The following LONRF1 variants were observed in gnomAD, a reference collection of about 807,000 sequenced individuals.
LONRF1 encodes LON peptidase N-terminal domain and ring finger 1.
LONRF1 carries 37 observed loss-of-function variants against 85.8 expected under a neutral mutation model. The ratio of observed to expected loss-of-function variants is 0.43; its 90% CI spans 0.33 to 0.57. LONRF1 has a LOEUF of 0.57. Ranked by LOEUF, LONRF1 falls within the 20% of genes least tolerant of loss-of-function variation. The pLI is 0.04. For missense variants in LONRF1, 1,036 were observed against 978.0 expected (o/e 1.06, Z -0.79); for synonymous variants, 517 against 390.1 (o/e 1.33, Z -3.83).
intron 1 of LONRF1, chr8:12,754,476 C>T (rs1485033203): frequency 1.6e-5 from 7 of 427,202 alleles, no homozygotes; most frequent in Non-Finnish European, 2.6e-5. Context: ...CCTCCCCGCG[C>T]CGCGTCACAG....
chr8:12,746,901 G>A (rs563602042), intron 1 of LONRF1, among the ~76,000 whole-genome samples: 1 of 152,084 alleles, frequency 6.6e-6, no homozygotes, highest in Admixed American at 6.6e-5. Flanking sequence ...TAAGTTAATC[G>A]GTGCATAGTA....
Position 12,755,411 on chromosome 8 carries a change from G to C in LONRF1, c.10C>G (p.Pro4Ala). The C allele has an allele frequency of 1.7e-6, 2 of 1,157,328 alleles. No homozygotes were observed. Among genetic ancestry groups the C allele is most frequent in the Non-Finnish European group, 2.1e-6 (2 of 940,666 alleles). The allele number at this position is 1,157,328 out of a possible 1,614,324, so 71.7% of individuals were successfully genotyped here. A position where few individuals can be genotyped will look rare whatever the true frequency, so the allele number is the denominator to read the frequency against. Residue 4 changes from proline to alanine, a missense_variant, in exon 1 of 12, where the codon CCG becomes GCG. Physicochemically the swap from Pro to Ala is conservative, Grantham distance 27. Transcript: ENST00000398246. Reference protein sequence around the residue: MSSPAVARTSPGGS... With the variant: MSSAAVARTSPGGS... ...CCTGGGGAGGTCCTCGCCACCGCCG[G>C]AGAGGACATGGCCCGCGGAGGGCTG... is the stretch of plus-strand genomic sequence containing the variant.
intron 10 of LONRF1, chr8:12,727,200 G>C (rs1798345168): frequency 6.8e-6 from 1 of 146,860 alleles, no homozygotes; most frequent in African/African-American, 2.5e-5. Context: ...TGGTAAACAA[G>C]GAATGATAAC....
Position 12,735,268 on chromosome 8 carries a change from A to G in LONRF1, c.1566+18T>C. On this transcript the variant is annotated intron_variant, in intron 7 of 11. Coordinates refer to ENST00000398246, the MANE Select transcript of LONRF1 (RefSeq NM_152271.5). ...CCAAACTTAAGACCAACAAACAGAC[A>G]CATATACAAATATTTACCTCTTTTA... The G allele has an allele frequency of 1.3e-6, 2 of 1,511,748 alleles. No homozygotes were observed. 93.6% of individuals were successfully genotyped at this position (1,511,748 alleles called of 1,614,324 possible). A position where few individuals can be genotyped will look rare whatever the true frequency, so the allele number is the denominator to read the frequency against.
chr8:12,732,756 A>C (rs1259296341), intron 7 of LONRF1, among the ~76,000 whole-genome samples: 3 of 152,186 alleles, frequency 2.0e-5, no homozygotes, highest in African/African-American at 7.2e-5. Context: ...GATATATTAC[A>C]TCTCTGTAGT....
At chr8:12,749,506 T>G (rs1799294223) in intron 1 of LONRF1, among the ~76,000 whole-genome samples, 2 of 152,206 alleles carry the variant, frequency 1.3e-5, no homozygotes, top group Non-Finnish European at 2.9e-5. Flanking sequence ...CTCGAGATTT[T>G]CCAAGGCTCT....
intron 1 of LONRF1, among the ~76,000 whole-genome samples, chr8:12,747,559 C>A (rs566784616): frequency 6.6e-6 from 1 of 152,216 alleles, no homozygotes; most frequent in East Asian, 1.9e-4. Context: ...TAGGAATGGG[C>A]AACAGCTCAT....
At chr8:12,740,296 G>A (rs1239909449) in intron 3 of LONRF1, among the ~76,000 whole-genome samples, 2 of 152,172 alleles carry the variant, frequency 1.3e-5, no homozygotes, top group Admixed American at 1.3e-4. Flanking sequence ...CATATCAAAA[G>A]CTATGAAACG....
chr8:12,726,000 C>T lies in LONRF1; in HGVS notation c.2011-121G>A, dbSNP rs191048255. On this transcript the variant is annotated intron_variant, in intron 10 of 11. Transcript: ENST00000398246. The stretch of plus-strand genomic sequence containing the variant: ...AGGGCAATACCTGTTTCAGTGCTGA[C>T]GTCCCAGAGAGTATTATTCCTATGC... 21 of 821,238 alleles carry T rather than the reference C, an allele frequency of 2.6e-5. No homozygotes were observed. In the African/African-American group the frequency reaches 2.7e-4, roughly 11 times the overall value. 50.9% of individuals were successfully genotyped at this position (821,238 alleles called of 1,614,324 possible).
rs994364198 is a variant in LONRF1 at position 12,754,982 on chromosome 8, G to C, written c.439C>G (p.Leu147Val). The change falls in exon 1 of 12, where the codon CTG (leucine) becomes GTG (valine). Residue 147 changes from leucine (L) to valine (V), a missense_variant. Physicochemically the swap from Leu to Val is conservative, Grantham distance 32. This residue lies in a region of LONRF1 where 742 missense variants were observed against 614.4 expected (regional missense o/e 1.21). Coordinates refer to ENST00000398246, the MANE Select transcript of LONRF1 (RefSeq NM_152271.5). ...CAGCGGGCGCGGAGTTCCCTCCGCA[G>C]GCAGCGGCGGCAGTAGCTGTGGCCA... ...PCGHSYCRRC[L>V]RRELRARCRL... 2 of 1,491,588 alleles carry C rather than the reference G, an allele frequency of 1.3e-6. No homozygotes were observed. Among genetic ancestry groups the C allele is most frequent in the African/African-American group, 1.5e-5 (1 of 68,756 alleles). The allele number at this position is 1,491,588 out of a possible 1,614,324, so 92.4% of individuals were successfully genotyped here.
At chr8:12,737,375 T>C (rs966221510) in intron 4 of LONRF1, 8 of 672,554 alleles carry the variant, frequency 1.2e-5, no homozygotes, top group Non-Finnish European at 1.4e-5. Context: ...GGATAGAAAA[T>C]ATTCTAAAAA....
At chr8:12,731,908 A>G in intron 7 of LONRF1, 51 bp from the exon 8 acceptor site, 1 of 1,554,662 alleles carries the variant, frequency 6.4e-7, no homozygotes, top group Non-Finnish European at 8.8e-7. Flanking sequence ...CTACAGTATA[A>G]AACAGGCAAC....
chr8:12,744,279 A>C (rs1799056627), intron 1 of LONRF1, among the ~76,000 whole-genome samples: 1 of 152,170 alleles, frequency 6.6e-6, no homozygotes, highest in Non-Finnish European at 1.5e-5. Flanking sequence ...TGAGCAATTA[A>C]TTTAGGAAGG....
At chr8:12,752,096 A>T (rs2117358014) in intron 1 of LONRF1, among the ~76,000 whole-genome samples, 1 of 152,272 alleles carries the variant, frequency 6.6e-6, no homozygotes, top group African/African-American at 2.4e-5. Flanking sequence ...TGCAGACTAG[A>T]TTTTTTCTAG....
chr8:12,745,082 T>G (rs1046952531), intron 1 of LONRF1, among the ~76,000 whole-genome samples: 1 of 151,630 alleles, frequency 6.6e-6, no homozygotes, highest in African/African-American at 2.4e-5. Context: ...ATGTATCCAC[T>G]CTGACCAAAG....
At chr8:12,740,547 A>G (rs1160456598) in intron 3 of LONRF1, among the ~76,000 whole-genome samples, 1 of 152,172 alleles carries the variant, frequency 6.6e-6, no homozygotes, top group Non-Finnish European at 1.5e-5. Flanking sequence ...AGTAAAAGGC[A>G]AAAGGCAGGT....
intron 7 of LONRF1, among the ~76,000 whole-genome samples, chr8:12,733,926 G>C (rs1368862700): frequency 6.6e-6 from 1 of 152,142 alleles, no homozygotes; most frequent in Middle Eastern, 3.2e-3. Flanking sequence ...TAAATAGTAT[G>C]TTAGTTATAC....
rs1207192603 is a variant in LONRF1, at chr8:12,731,903, G to T, written c.1567-46C>A. 3 of 1,569,782 alleles carry T rather than the reference G, an allele frequency of 1.9e-6. No homozygotes were observed. The South Asian group carries it at 3.5e-5, about 18-fold the overall frequency. On this transcript the variant is annotated intron_variant, in intron 7 of 11. Transcript: ENST00000398246. The stretch of plus-strand genomic sequence containing the variant: ...ACATTCCAGCAGTGGTTTTCCTACA[G>T]TATAAAACAGGCAACACAGTTAACT...
chr8:12,747,542 G>C (rs950679209), intron 1 of LONRF1, among the ~76,000 whole-genome samples: 1 of 152,174 alleles, frequency 6.6e-6, no homozygotes, highest in African/African-American at 2.4e-5. Flanking sequence ...ACTTTTATTT[G>C]TGATTCTAGG....
Sources: gnomAD v4.1 joint callset for allele counts (sites outside exome capture counted in the v4.1 genomes callset) on GRCh38, gnomAD v4.1.1 for gene constraint, gnomAD v4.1.1 regional missense constraint, MANE v1.5 for transcripts, NCBI Gene and HGNC (gene_info 2026-07-23, HGNC 2026-07-21) for gene names.